The following CLASP1 variants were observed in gnomAD, a reference collection of about 807,000 sequenced individuals.
The protein encoded by CLASP1 is CLIP-associating protein 1.
Under a neutral mutation model 192.3 loss-of-function variants are expected in CLASP1, and 38 were observed. The observed-to-expected ratio is 0.20, with a 90% CI of 0.15 to 0.26. The LOEUF is 0.26. Ranked by LOEUF, CLASP1 falls within the 10% of genes least tolerant of loss-of-function variation. The probability of loss-of-function intolerance (pLI) is 1.00; values close to 1 mark genes in which losing one functional copy is unlikely to be tolerated. For synonymous variants in CLASP1, 691 were observed against 712.8 expected, an observed-to-expected ratio of 0.97 and a Z score of 0.49; for missense variants, 1,433 against 1,932.5, an observed-to-expected ratio of 0.74 and a Z score of 4.85.
intron 32 of CLASP1, 123 bp downstream of exon 33, chr2:121,386,999 G>T (rs140927540): frequency 3.7e-6 from 3 of 806,246 alleles, no homozygotes; most frequent in Non-Finnish European, 6.2e-6. Context: ...TAGAACCCAC[G>T]GTTCTTGATA....
rs116365476 is a variant in CLASP1, at chr2:121,626,184, G to A, written c.-285-20004C>T. 6.8e-3 allele frequency among the ~76,000 whole-genome samples: 1,029 copies of A among 151,724 alleles called. 9 individuals carry two copies. Among genetic ancestry groups the A allele is most frequent in the African/African-American group, 0.023 (941 of 41,358 alleles). ...GACATGGCCATCCCAAATTTCCCAAGGGAGCTAGGTTATACCCAGTTGAAA... is the reference window on the plus strand; with the variant it reads ...GACATGGCCATCCCAAATTTCCCAAAGGAGCTAGGTTATACCCAGTTGAAA... On this transcript the variant is annotated intron_variant, in intron 1 of 39. Coordinates refer to ENST00000263710, the Ensembl canonical transcript of CLASP1.
At chr2:121,601,632 A>AGGG (rs1199997139) in intron 2 of CLASP1, among the ~76,000 whole-genome samples, 2 of 152,252 alleles carry the variant, frequency 1.3e-5, no homozygotes, top group East Asian at 1.9e-4. Flanking sequence ...CTTTTTCAAC[A>AGGG]TAGTAGTGGA....
chr2:121,547,753 G>C (rs1375269357), intron 2 of CLASP1, among the ~76,000 whole-genome samples: 1 of 152,092 alleles, frequency 6.6e-6, no homozygotes, highest in Non-Finnish European at 1.5e-5. Context: ...AACCAAGCAA[G>C]AGTGTACCAT....
chr2:121,531,058 AAT>A (rs969461177), intron 2 of CLASP1: 95 of 697,028 alleles, frequency 1.4e-4, no homozygotes, highest in African/African-American at 1.1e-3. Flanking sequence ...GTAATTCGTA[AAT>A]AAACTAGTAC....
chr2:121,648,861 T>G (rs867936235), intron 1 of CLASP1, among the ~76,000 whole-genome samples: 1 of 152,372 alleles, frequency 6.6e-6, no homozygotes, highest in Non-Finnish European at 1.5e-5. Flanking sequence ...AGCTTTTGTC[T>G]GGCCCGGTTG....
intron 2 of CLASP1, 177 bp from the exon 3 acceptor site, chr2:121,530,502 A>G (rs2094748426): frequency 6.9e-6 from 4 of 583,354 alleles, no homozygotes; most frequent in East Asian, 5.6e-5. Context: ...CCACAAAAAG[A>G]GCTATGTACA....
At chr2:121,628,904 T>C (rs1576592304) in intron 1 of CLASP1, among the ~76,000 whole-genome samples, 1 of 146,456 alleles carries the variant, frequency 6.8e-6, no homozygotes, top group African/African-American at 2.5e-5. Flanking sequence ...AAAAAAAAAG[T>C]ATACCAAACT....
chr2:121,449,547 A>T (rs1164565816), intron 16 of CLASP1, among the ~76,000 whole-genome samples: 1 of 148,800 alleles, frequency 6.7e-6, no homozygotes, highest in African/African-American at 2.5e-5. Context: ...GAAAAATTTT[A>T]AAATGTTCAG....
At chr2:121,399,950 A>G (rs1342255195) in intron 28 of CLASP1, among the ~76,000 whole-genome samples, 1 of 152,212 alleles carries the variant, frequency 6.6e-6, no homozygotes, top group Non-Finnish European at 1.5e-5. Flanking sequence ...ACCTTTCTTG[A>G]AAAGTCTGGT....
chr2:121,340,798 G>A, exon 40 of CLASP1: 1 of 1,263,782 alleles, frequency 7.9e-7, no homozygotes, highest in South Asian at 1.3e-5. Flanking sequence ...AAGGGGGTGG[G>A]GAAAGGTCTC....
At chr2:121,536,172 G>A (rs2104918804) in intron 2 of CLASP1, among the ~76,000 whole-genome samples, 1 of 151,094 alleles carries the variant, frequency 6.6e-6, no homozygotes, top group East Asian at 2.0e-4. Flanking sequence ...ACGAAGTCAG[G>A]AGATCGAGAC....
intron 21 of CLASP1, 60 bp downstream of exon 21, chr2:121,427,344 G>C: frequency 6.3e-7 from 1 of 1,577,780 alleles, no homozygotes; most frequent in African/African-American, 1.3e-5. Flanking sequence ...AGGAACATGG[G>C]GTCGGGGAGA....
chr2:121,382,827 A>G (rs939800054), intron 32 of CLASP1, among the ~76,000 whole-genome samples: 3 of 152,240 alleles, frequency 2.0e-5, no homozygotes, highest in African/African-American at 4.8e-5. Context: ...GCTCTCCAGC[A>G]TGGAGCAGTG....
At position 121,437,942 on chromosome 2, in the gene CLASP1, G is replaced by C. The variant is rs1477624292; in HGVS notation, c.1913-7765C>G. ...TATTCTCAACTGGGAGGATTATTCT[G>C]GCTACTAAGTTGTATATATCCTTAA... On this transcript the variant is annotated intron_variant, in intron 19 of 39. Transcript: ENST00000263710. 2.6e-5 allele frequency among the ~76,000 whole-genome samples: 4 copies of C among 152,206 alleles called. No individual in the cohort carries two copies. In the East Asian group the frequency reaches 5.8e-4, roughly 22 times the overall value.
rs764889203 is a variant in CLASP1, at chr2:121,401,492, A to G, written c.2900+17T>C. 9 of 1,592,502 alleles carry G rather than the reference A, an allele frequency of 5.7e-6. No homozygotes were observed. Among genetic ancestry groups the G allele is most frequent in the Non-Finnish European group, 7.7e-6 (9 of 1,171,276 alleles). ...TATCCTGTAACATCAAAATGGACCT[A>G]ACCCTTAAACACTTACCTTGTGACA... On this transcript the variant is annotated intron_variant, in intron 28 of 39. Transcript: ENST00000263710.
rs559678731 is a variant in CLASP1 at position 121,457,364 on chromosome 2, T to C, written c.1385+323A>G. On this transcript the variant is annotated intron_variant, in intron 14 of 39. Coordinates refer to ENST00000263710, the Ensembl canonical transcript of CLASP1. ...GAATAGGGCAGACCGATGACAAAGG[T>C]AGGAGGATTATCACAGGAAAAAAAT... 3.9e-5 allele frequency among the ~76,000 whole-genome samples: 6 copies of C among 152,026 alleles called. No homozygotes were observed. The East Asian group carries it at 9.7e-4, about 24-fold the overall frequency.
chr2:121,531,452 G>A (rs2094872868), intron 2 of CLASP1, among the ~76,000 whole-genome samples: 1 of 151,624 alleles, frequency 6.6e-6, no homozygotes, highest in South Asian at 2.1e-4. Flanking sequence ...AAAATTAGCC[G>A]GGCGAGGTGG....
chr2:121,595,713 A>G (rs1333915615), intron 2 of CLASP1, among the ~76,000 whole-genome samples: 1 of 152,242 alleles, frequency 6.6e-6, no homozygotes, highest in African/African-American at 2.4e-5. Context: ...TGATGGATTC[A>G]TATCTTATTA....
intron 24 of CLASP1, among the ~76,000 whole-genome samples, chr2:121,409,496 G>A (rs540736017): frequency 1.3e-4 from 20 of 152,294 alleles, no homozygotes; most frequent in African/African-American, 4.8e-4. Flanking sequence ...TGAATCTAAT[G>A]GGAGCTAGAG....
Sources: allele counts gnomAD v4.1 joint callset (sites outside exome capture counted in the v4.1 genomes callset), GRCh38; gene constraint gnomAD v4.1.1; transcripts MANE v1.5; gene names NCBI Gene and HGNC (gene_info 2026-07-23, HGNC 2026-07-21).